The following CNKSR2 variants were observed in gnomAD, a reference collection of about 807,000 sequenced individuals.
CNKSR2 encodes CNK homolog protein 2.
In CNKSR2, 14 loss-of-function variants were observed where a neutral mutation model predicts 84.4. That is an observed-to-expected ratio of 0.17 (90% CI 0.11 to 0.26). The LOEUF (loss-of-function observed/expected upper bound fraction) is 0.26, where lower values mean the gene tolerates loss of function less well. Ranked by LOEUF, CNKSR2 falls within the 10% of genes least tolerant of loss-of-function variation. CNKSR2 has a pLI of 1.00. For synonymous variants in CNKSR2, 275 were observed against 277.9 expected, an observed-to-expected ratio of 0.99 and a Z score of 0.10; for missense variants, 485 against 771.2, an observed-to-expected ratio of 0.63 and a Z score of 4.40.
chrX:21,504,675 T>C (rs2091594735), intron 8 of CNKSR2: 1 of 287,149 alleles, frequency 3.5e-6, no homozygotes, highest in African/African-American at 2.8e-5. Flanking sequence ...CTTCAAGATG[T>C]CTAATTAGAT....
chrX:21,566,687 GATA>G (rs1316341750), intron 13 of CNKSR2, among the ~76,000 whole-genome samples: 1 of 111,709 alleles, frequency 9.0e-6, no homozygotes, highest in Non-Finnish European at 1.9e-5. Context: ...TTAATAGCAA[GATA>G]ATATCATCAT....
intron 11 of CNKSR2, among the ~76,000 whole-genome samples, chrX:21,539,736 A>AG (rs1354122067): frequency 1.8e-5 from 2 of 111,154 alleles, no homozygotes; most frequent in East Asian, 5.7e-4. Flanking sequence ...TGTGCACAGT[A>AG]GTGTAATCTC....
intron 1 of CNKSR2, among the ~76,000 whole-genome samples, chrX:21,408,131 T>C (rs1270703347): frequency 8.9e-6 from 1 of 112,006 alleles, no homozygotes; most frequent in Non-Finnish European, 1.9e-5. Context: ...CCATATACAT[T>C]AATTTAGAAA....
intron 1 of CNKSR2, among the ~76,000 whole-genome samples, chrX:21,422,565 T>C (rs1484853728): frequency 8.9e-6 from 1 of 112,647 alleles, no homozygotes; most frequent in African/African-American, 3.2e-5. Flanking sequence ...TAACCAGTTA[T>C]TATTTGGTCT....
chrX:21,567,052 C>T (rs1001895864), intron 13 of CNKSR2, among the ~76,000 whole-genome samples: 1 of 111,515 alleles, frequency 9.0e-6, no homozygotes, highest in East Asian at 2.8e-4. Flanking sequence ...ACATGCTATT[C>T]CCGCTGCTGA....
At chrX:21,456,579 T>G (rs912787935) in intron 4 of CNKSR2, among the ~76,000 whole-genome samples, 2 of 111,722 alleles carry the variant, frequency 1.8e-5, no homozygotes, top group Non-Finnish European at 3.8e-5. Context: ...TTTCATTGTG[T>G]GTGTGTATGT....
At chrX:21,504,711 T>A in intron 8 of CNKSR2, 1 of 293,776 alleles carries the variant, frequency 3.4e-6, no homozygotes, top group Non-Finnish European at 6.0e-6. Flanking sequence ...TTGCTCCTTT[T>A]TTAAAAGTAT....
intron 13 of CNKSR2, among the ~76,000 whole-genome samples, chrX:21,574,632 C>A (rs2092307503): frequency 9.0e-6 from 1 of 111,181 alleles, no homozygotes; most frequent in Admixed American, 9.5e-5. Context: ...TCAATTACCT[C>A]CCACTGGGTC....
chrX:21,635,820 A>T (rs2092669992), intron 20 of CNKSR2, among the ~76,000 whole-genome samples: 2 of 110,706 alleles, frequency 1.8e-5, no homozygotes, highest in African/African-American at 6.5e-5. Flanking sequence ...CCAACTCCCC[A>T]GGCACACATA....
chrX:21,475,317 G>A (rs1187008858), intron 5 of CNKSR2, among the ~76,000 whole-genome samples: 3 of 111,664 alleles, frequency 2.7e-5, no homozygotes, highest in East Asian at 2.8e-4. Context: ...AATACCTAAT[G>A]TATACCTACT....
At chrX:21,482,218 A>C (rs1379556758) in intron 5 of CNKSR2, among the ~76,000 whole-genome samples, 1 of 112,528 alleles carries the variant, frequency 8.9e-6, no homozygotes, top group Non-Finnish European at 1.9e-5. Context: ...TGAGAATTTA[A>C]ATATAAGGTA....
intron 8 of CNKSR2, among the ~76,000 whole-genome samples, chrX:21,515,802 C>G (rs944926984): frequency 6.3e-5 from 7 of 111,743 alleles, no homozygotes; most frequent in Admixed American, 9.5e-5. Context: ...AGGTGATATT[C>G]AAATAGAATG....
At chrX:21,501,621 G>A in intron 8 of CNKSR2, 33 bp downstream of exon 8, 1 of 816,808 alleles carries the variant, frequency 1.2e-6, no homozygotes, top group South Asian at 3.1e-5. Context: ...TCAGTGGGAG[G>A]AACTAATTTT....
At position 21,375,004 on chromosome X, in the gene CNKSR2, G is replaced by A. The variant is rs1349803034; in HGVS notation, c.64+43G>A. ...GAGGGTGAGGCGGCACTGGGGCGCG[G>A]GGCACCAGTGCGAGGTTAGGAGGGG... is the stretch of plus-strand genomic sequence containing the variant. On this transcript the variant is annotated intron_variant, in intron 1 of 21. Coordinates refer to ENST00000379510, the MANE Select transcript of CNKSR2 (RefSeq NM_014927.5). 4 of 1,082,518 alleles carry A rather than the reference G, an allele frequency of 3.7e-6. No homozygotes were observed. In the African/African-American group the frequency reaches 7.3e-5, roughly 20 times the overall value. 89.2% of individuals were successfully genotyped at this position (1,082,518 alleles called of 1,213,427 possible). A position where few individuals can be genotyped will look rare whatever the true frequency, so the allele number is the denominator to read the frequency against.
chrX:21,636,406 T>G (rs989864637), intron 20 of CNKSR2, among the ~76,000 whole-genome samples: 2 of 111,352 alleles, frequency 1.8e-5, no homozygotes, highest in African/African-American at 3.3e-5. Flanking sequence ...CTGTAGGTAT[T>G]TCAACTGGAA....
At chrX:21,592,607 C>T (rs1438093543) in intron 15 of CNKSR2, 1 of 110,498 alleles carries the variant, frequency 9.0e-6, no homozygotes, top group African/African-American at 3.3e-5. Context: ...TCAAAGGGAC[C>T]TCTCATTTTA....
At chrX:21,380,851 T>C (rs2089888909) in intron 1 of CNKSR2, among the ~76,000 whole-genome samples, 1 of 112,039 alleles carries the variant, frequency 8.9e-6, no homozygotes, top group African/African-American at 3.2e-5. Context: ...CTAAAAAGAG[T>C]ACTAAAAGAG....
At chrX:21,564,358 C>G (rs1205219788) in intron 13 of CNKSR2, among the ~76,000 whole-genome samples, 1 of 111,767 alleles carries the variant, frequency 8.9e-6, no homozygotes, top group Non-Finnish European at 1.9e-5. Context: ...AGATCAGAAG[C>G]AGGGCTATTA....
chrX:21,536,183 C>T (rs1192934497), intron 11 of CNKSR2, among the ~76,000 whole-genome samples: 1 of 111,427 alleles, frequency 9.0e-6, no homozygotes, highest in Non-Finnish European at 1.9e-5. Flanking sequence ...ATATGTTGAA[C>T]CATCCTTGCA....
Sources: gnomAD v4.1 joint callset for allele counts (sites outside exome capture counted in the v4.1 genomes callset) on GRCh38, gnomAD v4.1.1 for gene constraint, MANE v1.5 for transcripts, NCBI Gene and HGNC (gene_info 2026-07-23, HGNC 2026-07-21) for gene names.